The following SGCE variants were observed in gnomAD, a reference collection of about 807,000 sequenced individuals.
SGCE encodes sarcoglycan epsilon, also known as epsilon-sarcoglycan.
SGCE carries 26 observed loss-of-function variants against 57.8 expected under a neutral mutation model. The observed-to-expected ratio is 0.45, with a 90% CI of 0.33 to 0.62. The LOEUF is 0.62. Among genes scored for constraint, SGCE ranks in the 20% least tolerant of loss-of-function variants. SGCE has a pLI of 0.02. For synonymous variants in SGCE, 183 were observed against 189.5 expected (o/e 0.97, Z 0.28); for missense variants, 468 against 548.6 (o/e 0.85, Z 1.47).
intron 1 of SGCE, among the ~76,000 whole-genome samples, chr7:94,652,705 G>A (rs1255730530): frequency 6.6e-6 from 1 of 152,104 alleles, no homozygotes; most frequent in Admixed American, 6.5e-5. Flanking sequence ...CAAATCAACA[G>A]CTTTTAGATT....
At chr7:94,639,229 TACTA>T (rs1806035244) in intron 1 of SGCE, 1 of 661,490 alleles carries the variant, frequency 1.5e-6, no homozygotes. Context: ...TTTTCAGACT[TACTA>T]ACAACAACAA....
chr7:94,630,177 CA>C (rs1198299562), intron 1 of SGCE, among the ~76,000 whole-genome samples: 1 of 151,796 alleles, frequency 6.6e-6, no homozygotes, highest in African/African-American at 2.4e-5. Context: ...TTATTACCAA[CA>C]AAATACATCA....
intron 9 of SGCE, among the ~76,000 whole-genome samples, chr7:94,596,934 A>C (rs1020119322): frequency 6.6e-6 from 1 of 152,200 alleles, no homozygotes; most frequent in Non-Finnish European, 1.5e-5. Flanking sequence ...TTCATTTTGA[A>C]AATGAATGAT....
chr7:94,586,282 T>C (rs1303006523), intron 10 of SGCE, among the ~76,000 whole-genome samples: 2 of 152,074 alleles, frequency 1.3e-5, no homozygotes, highest in African/African-American at 4.8e-5. Context: ...TGTAGCTGCC[T>C]CTATGCAGTA....
chr7:94,605,878 C>A (rs1363544549), intron 5 of SGCE, among the ~76,000 whole-genome samples: 1 of 151,980 alleles, frequency 6.6e-6, no homozygotes, highest in Non-Finnish European at 1.5e-5. Context: ...CCCTGTCACC[C>A]AGGCTGGAGT....
chr7:94,655,913 C>T (rs887134703), intron 1 of SGCE, 77 bp downstream of exon 1: 1 of 951,204 alleles, frequency 1.1e-6, no homozygotes, highest in Non-Finnish European at 1.7e-6. Flanking sequence ...CGCTCAGGCG[C>T]CCGGAACCCG....
intron 4 of SGCE, 160 bp from the exon 5 acceptor site, chr7:94,619,116 A>G (rs1562844483): frequency 1.6e-6 from 1 of 635,962 alleles, no homozygotes; most frequent in Non-Finnish European, 2.8e-6. Flanking sequence ...CAGAGGATGT[A>G]TCTAAAAACA....
At chr7:94,608,534 A>T (rs1800513426) in intron 5 of SGCE, among the ~76,000 whole-genome samples, 1 of 152,230 alleles carries the variant, frequency 6.6e-6, no homozygotes, top group Non-Finnish European at 1.5e-5. Flanking sequence ...TCTCAATCAT[A>T]TTCTCAGCAA....
intron 4 of SGCE, chr7:94,621,860 G>A (rs1802837994): frequency 6.6e-6 from 1 of 152,166 alleles, no homozygotes; most frequent in African/African-American, 2.4e-5. Context: ...AAAAGCCTTT[G>A]GGGAGTGGCA....
intron 7 of SGCE, 151 bp from the exon 8 acceptor site, chr7:94,599,874 A>G: frequency 1.5e-6 from 1 of 675,116 alleles, no homozygotes; most frequent in South Asian, 1.6e-5. Flanking sequence ...GGTTTATGAC[A>G]TTGCTTGGAT....
chr7:94,619,608 C>T (rs759590755), intron 4 of SGCE: 1 of 152,174 alleles, frequency 6.6e-6, no homozygotes, highest in Non-Finnish European at 1.5e-5. Context: ...AATCATCACT[C>T]TCTATATTCT....
At chr7:94,624,571 C>T (rs777818937) in intron 3 of SGCE, 10 of 211,198 alleles carry the variant, frequency 4.7e-5, no homozygotes, top group Non-Finnish European at 8.4e-5. Flanking sequence ...AATTTCACAC[C>T]GGACATTAAA....
At chr7:94,589,894 T>C (rs1797441011) in intron 9 of SGCE, 1 of 153,282 alleles carries the variant, frequency 6.5e-6, no homozygotes, top group Non-Finnish European at 1.5e-5. Flanking sequence ...GCAATGCACT[T>C]GGACCACCCC....
chr7:94,622,019 G>C (rs1428970322), intron 4 of SGCE: 1 of 143,112 alleles, frequency 7.0e-6, no homozygotes, highest in Non-Finnish European at 1.5e-5. Flanking sequence ...TTCACTTAAG[G>C]GGGTTTAAGT....
At chr7:94,602,764 T>G (rs1318562055) in intron 6 of SGCE, among the ~76,000 whole-genome samples, 1 of 152,146 alleles carries the variant, frequency 6.6e-6, no homozygotes, top group Non-Finnish European at 1.5e-5. Flanking sequence ...AAAATGTGAT[T>G]TGGAAAGAAA....
chr7:94,611,781 A>G (rs1395763656), intron 5 of SGCE, among the ~76,000 whole-genome samples: 1 of 152,156 alleles, frequency 6.6e-6, no homozygotes, highest in Non-Finnish European at 1.5e-5. Context: ...TGTGTTCGAG[A>G]ATATGTTCAC....
At chr7:94,627,048 A>G (rs1803834517) in intron 3 of SGCE, 1 of 152,066 alleles carries the variant, frequency 6.6e-6, no homozygotes, top group Admixed American at 6.6e-5. Context: ...ATTTGACAAT[A>G]GCTCAAACTA....
intron 1 of SGCE, among the ~76,000 whole-genome samples, chr7:94,650,027 T>C (rs1807665021): frequency 6.6e-6 from 1 of 152,190 alleles, no homozygotes; most frequent in African/African-American, 2.4e-5. Context: ...TTTGATATAC[T>C]AACCCAAATA....
At chr7:94,646,954 C>T (rs1807178112) in intron 1 of SGCE, among the ~76,000 whole-genome samples, 1 of 152,192 alleles carries the variant, frequency 6.6e-6, no homozygotes, top group African/African-American at 2.4e-5. Context: ...CCACCAATGT[C>T]ACTGCCTAGC....
Sources: allele counts gnomAD v4.1 joint callset (sites outside exome capture counted in the v4.1 genomes callset), GRCh38; gene constraint gnomAD v4.1.1; transcripts MANE v1.5; gene names NCBI Gene and HGNC (gene_info 2026-07-23, HGNC 2026-07-21).